The following UGT1A7 variants were observed in gnomAD, a reference collection of about 807,000 sequenced individuals.
UGT1A7 encodes the protein UDP glucuronosyltransferase family 1 member A7.
UGT1A7 carries 33 observed loss-of-function variants against 45.6 expected under a neutral mutation model. The ratio of observed to expected loss-of-function variants is 0.72; its 90% CI spans 0.55 to 0.97. The LOEUF is 0.97. UGT1A7 is among the 50% of genes least tolerant of loss of function. UGT1A7 has a pLI of 0.00. For missense variants in UGT1A7, 684 were observed against 666.2 expected (o/e 1.03, Z -0.29); for synonymous variants, 274 against 250.6 (o/e 1.09, Z -0.88).
chr2:233,704,647 T>A (rs1262134477), intron 1 of UGT1A7, among the ~76,000 whole-genome samples: 1 of 152,158 alleles, frequency 6.6e-6, no homozygotes, highest in African/African-American at 2.4e-5. Context: ...TTGCTTATCA[T>A]TTTTGGTTCT....
intron 1 of UGT1A7, among the ~76,000 whole-genome samples, chr2:233,761,716 C>T (rs1291431022): frequency 6.6e-6 from 1 of 152,198 alleles, no homozygotes; most frequent in Non-Finnish European, 1.5e-5. Flanking sequence ...CATTCTCAAG[C>T]TATTAGGTTT....
In UGT1A7 at chr2:233,747,595, G is replaced by C. The variant is rs188498977; in HGVS notation, c.856-19439G>C. The C allele has an allele frequency of 1.4e-3, 2,167 of 1,576,574 alleles. 6 individuals are homozygous for C. Among genetic ancestry groups the C allele is most frequent in the Non-Finnish European group, 1.7e-3 (1,986 of 1,146,462 alleles). On this transcript the variant is annotated intron_variant, in intron 1 of 4. Transcript: ENST00000373426. ...TCATCTTTGGTCTTTCATAGGTCTT[G>C]TGTGGAGCTACTGCATAATGAGGCC...
chr2:233,705,969 G>T (rs1266037443), intron 1 of UGT1A7, among the ~76,000 whole-genome samples: 1 of 152,078 alleles, frequency 6.6e-6, no homozygotes, highest in Admixed American at 6.5e-5. Context: ...CATGCCTGTG[G>T]TTCCGGCTAC....
At chr2:233,760,982 C>T (rs147640261) in intron 1 of UGT1A7, 5 of 1,614,220 alleles carry the variant, frequency 3.1e-6, no homozygotes, top group Non-Finnish European at 4.2e-6. Flanking sequence ...CCGTATGCAA[C>T]CCTTGCCTCA....
chr2:233,772,660 A>C lies in UGT1A7; in HGVS notation c.*101A>C. Reference sequence around the variant, plus strand: ...AAATTCATTTTATTCTTATTAAGGAAATACTTTGCATAAATTAATCAGCCC... The same window carrying C: ...AAATTCATTTTATTCTTATTAAGGACATACTTTGCATAAATTAATCAGCCC... On this transcript the variant is annotated 3_prime_UTR_variant, in exon 5 of 5. Transcript: ENST00000373426. 1 of 1,542,072 alleles carries C rather than the reference A, an allele frequency of 6.5e-7. No homozygotes were observed. The highest frequency in any genetic ancestry group is 8.7e-7 in the Non-Finnish European group (1 of 1,144,950).
intron 1 of UGT1A7, among the ~76,000 whole-genome samples, chr2:233,706,344 A>G (rs1211445114): frequency 6.6e-6 from 1 of 152,332 alleles, no homozygotes; most frequent in East Asian, 1.9e-4. Flanking sequence ...GTGACCCTGA[A>G]AAAACATTCT....
chr2:233,737,696 C>T (rs2078911570), intron 1 of UGT1A7, among the ~76,000 whole-genome samples: 1 of 152,160 alleles, frequency 6.6e-6, no homozygotes, highest in African/African-American at 2.4e-5. Context: ...GGTGCTGAAG[C>T]TTCCGTTCTC....
intron 1 of UGT1A7, among the ~76,000 whole-genome samples, chr2:233,727,898 G>T (rs1417233158): frequency 6.6e-6 from 1 of 152,198 alleles, no homozygotes; most frequent in Admixed American, 6.5e-5. Flanking sequence ...ACACGGCCAG[G>T]CAAGAAGACA....
Position 233,682,265 on chromosome 2 carries a change from A to G in UGT1A7, c.328A>G (p.Thr110Ala). Residue 110 changes from threonine to alanine, a missense_variant, in exon 1 of 5, where the codon ACA becomes GCA. Thr to Ala is a moderately conservative substitution (Grantham distance 58). Transcript: ENST00000373426. Reference protein sequence around the residue: ...APLRSAFSLLTSSSNGIFDLF... With the variant: ...APLRSAFSLLASSSNGIFDLF... ...ATTGCGAAGTGCATTTTCTCTATTA[A>G]CAAGTTCATCCAATGGTATTTTTGA... The G allele has an allele frequency of 6.2e-7, 1 of 1,614,180 alleles. No homozygotes were observed.
intron 1 of UGT1A7, among the ~76,000 whole-genome samples, chr2:233,748,555 G>A (rs1257442595): frequency 2.6e-5 from 4 of 151,888 alleles, no homozygotes; most frequent in South Asian, 2.1e-4. Flanking sequence ...CTAAGCACTC[G>A]CAGGAAGTAG....
intron 1 of UGT1A7, chr2:233,754,666 T>C (rs1311893817): frequency 2.1e-6 from 1 of 466,882 alleles, no homozygotes. Context: ...TTGGTGGTGA[T>C]TTTTTTACCA....
chr2:233,740,331 G>A (rs533064296), intron 1 of UGT1A7, among the ~76,000 whole-genome samples: 2 of 152,056 alleles, frequency 1.3e-5, no homozygotes, highest in Non-Finnish European at 2.9e-5. Flanking sequence ...CATTTATTGA[G>A]AAAGTTGATG....
At chr2:233,770,241 C>G (rs1700043521) in intron 4 of UGT1A7, 1 of 152,162 alleles carries the variant, frequency 6.6e-6, no homozygotes, top group Non-Finnish European at 1.5e-5. Context: ...CTCCATGATT[C>G]CAACACTCTG....
rs890288877 is a variant in UGT1A7, at chr2:233,747,512, C to T, written c.856-19522C>T. ...TTGTGCTGGGCCACACTCAACTGTA[C>T]TTTGAAACAGAACATTTTCTGAAGA... On this transcript the variant is annotated intron_variant, in intron 1 of 4. Transcript: ENST00000373426. The T allele has an allele frequency of 5.6e-6, 9 of 1,607,598 alleles. No homozygotes were observed. In the South Asian group the frequency reaches 8.8e-5, roughly 16 times the overall value.
chr2:233,694,538 T>C (rs530909274), intron 1 of UGT1A7, among the ~76,000 whole-genome samples: 2 of 152,192 alleles, frequency 1.3e-5, no homozygotes, highest in African/African-American at 4.8e-5. Context: ...CAGAGTTACT[T>C]TGGAAAATAA....
chr2:233,755,226 G>A lies in UGT1A7; in HGVS notation c.856-11808G>A, dbSNP rs529614771. The A allele has an allele frequency of 5.1e-6, 5 of 975,542 alleles. No homozygotes were observed. In the East Asian group the frequency reaches 1.5e-4, roughly 29 times the overall value. 60.4% of individuals were successfully genotyped at this position (975,542 alleles called of 1,614,324 possible). On this transcript the variant is annotated intron_variant, in intron 1 of 4. Transcript: ENST00000373426. ...GTACGCCTTCTTGATACCCTCGGAC[G>A]AGGCCTACCGGGGTACTCCCAGCAC...
intron 1 of UGT1A7, among the ~76,000 whole-genome samples, chr2:233,703,168 T>C (rs1403871395): frequency 6.6e-6 from 1 of 152,208 alleles, no homozygotes; most frequent in East Asian, 1.9e-4. Flanking sequence ...CTTGATTCAA[T>C]TTCAGTAGTT....
Position 233,773,149 on chromosome 2 carries a change from G to A in UGT1A7, c.*590G>A, listed in dbSNP as rs1700568248. On this transcript the variant is annotated 3_prime_UTR_variant, in exon 5 of 5. Coordinates refer to ENST00000373426, the MANE Select transcript of UGT1A7 (RefSeq NM_019077.3). ...AAGAATGATGCTATGAAATTGGTGG[G>A]TGGTGTATTTGAGAAGATAATCATT... 1 of 154,230 alleles carries A rather than the reference G, an allele frequency of 6.5e-6. No individual in the cohort carries two copies. The highest frequency in any genetic ancestry group is 6.4e-5 in the Admixed American group (1 of 15,708). The allele number at this position is 154,230 out of a possible 1,614,324, so 9.6% of individuals were successfully genotyped here.
intron 1 of UGT1A7, among the ~76,000 whole-genome samples, chr2:233,699,257 C>T (rs2075494314): frequency 6.6e-6 from 1 of 152,074 alleles, no homozygotes; most frequent in African/African-American, 2.4e-5. Context: ...CTTTCCTCTT[C>T]CTATAGGGGC....
Sources: gnomAD v4.1 joint callset for allele counts (sites outside exome capture counted in the v4.1 genomes callset) on GRCh38, gnomAD v4.1.1 for gene constraint, MANE v1.5 for transcripts, NCBI Gene and HGNC (gene_info 2026-07-23, HGNC 2026-07-21) for gene names.